The following SNTB1 variants were observed in gnomAD, a reference collection of about 807,000 sequenced individuals.
SNTB1 encodes syntrophin beta 1.
SNTB1 carries 36 observed loss-of-function variants against 48.9 expected under a neutral mutation model. The ratio of observed to expected loss-of-function variants is 0.74; its 90% CI spans 0.56 to 0.97. The LOEUF is 0.97. SNTB1 is among the 50% of genes least tolerant of loss of function. SNTB1 has a pLI of 0.00. For missense variants in SNTB1, 786 were observed against 703.4 expected, an observed-to-expected ratio of 1.12 and a Z score of -1.33; for synonymous variants, 299 against 294.6, an observed-to-expected ratio of 1.01 and a Z score of -0.15.
chr8:120,714,987 G>A lies in SNTB1; in HGVS notation c.572-21079C>T, dbSNP rs112607538. ...TAGTCTTGGATTTCTGTGAAAAGAC[G>A]AGCTACATAATAGCACAAATTGGAG... On this transcript the variant is annotated intron_variant, in intron 1 of 6. Transcript: ENST00000517992. Among the ~76,000 whole-genome samples the A allele has an allele frequency of 4.7e-3, 711 of 152,266 alleles. 7 individuals carry two copies. The highest frequency in any genetic ancestry group is 0.016 in the African/African-American group (650 of 41,540).
At chr8:120,595,784 T>C (rs970486344) in intron 3 of SNTB1, among the ~76,000 whole-genome samples, 1 of 152,130 alleles carries the variant, frequency 6.6e-6, no homozygotes, top group Non-Finnish European at 1.5e-5. Context: ...GGTTTCTCCA[T>C]GTTGGTCAGG....
intron 4 of SNTB1, among the ~76,000 whole-genome samples, chr8:120,557,291 A>G (rs1429064005): frequency 6.6e-6 from 1 of 152,234 alleles, no homozygotes; most frequent in Non-Finnish European, 1.5e-5. Context: ...TCTCCCCTCA[A>G]AAGCCCGTGT....
chr8:120,618,549 A>G (rs1468237058), intron 3 of SNTB1, among the ~76,000 whole-genome samples: 11 of 152,220 alleles, frequency 7.2e-5, no homozygotes, highest in Non-Finnish European at 1.5e-4. Context: ...TTACTTACAG[A>G]ATGAATGAAT....
intron 2 of SNTB1, chr8:120,636,188 C>A: frequency 5.3e-6 from 1 of 189,506 alleles, no homozygotes; most frequent in Non-Finnish European, 1.1e-5. Flanking sequence ...CAGCACAGGG[C>A]ATCACATGGT....
intron 4 of SNTB1, chr8:120,571,296 G>T: frequency 3.9e-6 from 5 of 1,287,770 alleles, no homozygotes; most frequent in Non-Finnish European, 5.1e-6. Context: ...AGTGACTGTG[G>T]TCTAATCTTT....
At chr8:120,545,214 G>C (rs1342028897) in intron 5 of SNTB1, among the ~76,000 whole-genome samples, 3 of 152,082 alleles carry the variant, frequency 2.0e-5, no homozygotes, top group Non-Finnish European at 4.4e-5. Context: ...CATGGTGGCA[G>C]GCATCTGTAA....
intron 3 of SNTB1, among the ~76,000 whole-genome samples, chr8:120,578,200 A>ATT (rs369383766): frequency 0.43 from 63,007 of 146,780 alleles, 16,545 homozygotes; most frequent in Non-Finnish European, 0.61. Context: ...CGCCCGGCTA[A>ATT]TTTTTTTTTT....
At chr8:120,703,271 C>T (rs989629048) in intron 1 of SNTB1, among the ~76,000 whole-genome samples, 19 of 152,156 alleles carry the variant, frequency 1.2e-4, no homozygotes, top group Admixed American at 2.0e-4. Context: ...ATTATAGGTG[C>T]GCAGCACCAC....
intron 2 of SNTB1, among the ~76,000 whole-genome samples, chr8:120,681,567 ACT>A (rs1156975909): frequency 6.6e-6 from 1 of 151,814 alleles, no homozygotes; most frequent in Non-Finnish European, 1.5e-5. Context: ...GAGTGTTGGG[ACT>A]CTCAGAACAG....
At chr8:120,632,758 T>C in intron 2 of SNTB1, 107 bp from the exon 3 acceptor site, 1 of 917,786 alleles carries the variant, frequency 1.1e-6, no homozygotes, top group Non-Finnish European at 1.7e-6. Flanking sequence ...TTTTAGACTT[T>C]GTCAGTTTCT....
intron 5 of SNTB1, among the ~76,000 whole-genome samples, chr8:120,546,666 C>T (rs1314649317): frequency 6.6e-6 from 1 of 152,046 alleles, no homozygotes; most frequent in Non-Finnish European, 1.5e-5. Context: ...GACGGGGTTT[C>T]ACCATGTTGG....
rs547745148 is a variant in SNTB1, at chr8:120,632,616, G to T, written c.824C>A (p.Thr275Lys). The T allele has an allele frequency of 6.2e-7, 1 of 1,613,996 alleles. No homozygotes were observed. The highest frequency in any genetic ancestry group is 8.5e-7 in the Non-Finnish European group (1 of 1,180,036). ...TGAGTCCTTGCTCCTTAGGATCACC[G>T]TGTGCTTAGCATCTGGAGAGTGGAT... ...LEIHSPDAKH[T>K]VILRSKDSAT... The change falls in exon 3 of 7, where the codon ACG becomes AAG. Residue 275 changes from threonine to lysine, a missense_variant. Coordinates refer to ENST00000517992, the MANE Select transcript of SNTB1 (RefSeq NM_021021.4).
chr8:120,555,116 A>G (rs952605108), intron 4 of SNTB1, among the ~76,000 whole-genome samples: 1 of 152,212 alleles, frequency 6.6e-6, no homozygotes, highest in Non-Finnish European at 1.5e-5. Flanking sequence ...GTATTTGGAA[A>G]TGGTGAAGTG....
chr8:120,687,461 GT>G (rs1440728945), intron 2 of SNTB1, among the ~76,000 whole-genome samples: 1 of 152,208 alleles, frequency 6.6e-6, no homozygotes, highest in Non-Finnish European at 1.5e-5. Context: ...GCTCAAAGGA[GT>G]GGGAGTGTTG....
chr8:120,766,504 T>C (rs984483204), intron 1 of SNTB1, among the ~76,000 whole-genome samples: 1 of 152,170 alleles, frequency 6.6e-6, no homozygotes, highest in African/African-American at 2.4e-5. Context: ...CTATATATAA[T>C]ATTTTTTCTT....
At chr8:120,576,666 A>G (rs1815956045) in intron 3 of SNTB1, among the ~76,000 whole-genome samples, 1 of 152,200 alleles carries the variant, frequency 6.6e-6, no homozygotes, top group South Asian at 2.1e-4. Context: ...CTCGGGAGCT[A>G]GCAGGCCTGA....
At chr8:120,786,453 C>T (rs1245980066) in intron 1 of SNTB1, among the ~76,000 whole-genome samples, 1 of 152,200 alleles carries the variant, frequency 6.6e-6, no homozygotes, top group Non-Finnish European at 1.5e-5. Flanking sequence ...ACTTCTCCCC[C>T]TTGCCCACCA....
chr8:120,676,508 T>C (rs1315814447), intron 2 of SNTB1, among the ~76,000 whole-genome samples: 1 of 152,234 alleles, frequency 6.6e-6, no homozygotes, highest in East Asian at 1.9e-4. Flanking sequence ...TGCAGACTGC[T>C]ATGAGAGCAG....
At chr8:120,759,372 T>C (rs1819373943) in intron 1 of SNTB1, among the ~76,000 whole-genome samples, 1 of 152,220 alleles carries the variant, frequency 6.6e-6, no homozygotes, top group Non-Finnish European at 1.5e-5. Context: ...TAGGAAACTC[T>C]CACTGGTCTC....
Sources: allele counts gnomAD v4.1 joint callset (sites outside exome capture counted in the v4.1 genomes callset), GRCh38; gene constraint gnomAD v4.1.1; transcripts MANE v1.5; gene names NCBI Gene and HGNC (gene_info 2026-07-23, HGNC 2026-07-21).